Variants in ADGRL2 observed in about 807,000 individuals in gnomAD.
ADGRL2 encodes the protein adhesion G protein-coupled receptor L2.
ADGRL2 carries 44 observed loss-of-function variants against 157.4 expected under a neutral mutation model. That is an observed-to-expected ratio of 0.28 (90% confidence interval 0.22 to 0.36). The LOEUF (loss-of-function observed/expected upper bound fraction) is 0.36. Among genes scored for constraint, ADGRL2 ranks in the 10% least tolerant of loss-of-function variants. ADGRL2 has a pLI of 1.00. For synonymous variants in ADGRL2, 585 were observed against 624.7 expected, an observed-to-expected ratio of 0.94 and a Z score of 0.95; for missense variants, 1,510 against 1,768.9, an observed-to-expected ratio of 0.85 and a Z score of 2.63.
chr1:81,454,957 A>C (rs2077773617), intron 2 of ADGRL2, among the ~76,000 whole-genome samples: 1 of 152,192 alleles, frequency 6.6e-6, no homozygotes, highest in Non-Finnish European at 1.5e-5. Context: ...ACAAAACGAC[A>C]AATTCAAGAC....
chr1:81,448,436 A>G (rs1570994733), intron 2 of ADGRL2, among the ~76,000 whole-genome samples: 1 of 151,870 alleles, frequency 6.6e-6, no homozygotes, highest in East Asian at 1.9e-4. Context: ...ATGAGCCACC[A>G]CACCTGGCCA....
intron 3 of ADGRL2, among the ~76,000 whole-genome samples, chr1:81,606,896 A>T (rs7542573): frequency 0.74 from 112,276 of 151,984 alleles, 41,677 homozygotes; most frequent in African/African-American, 0.78. Flanking sequence ...AGTCAACTGT[A>T]GTACATTTTG....
At chr1:81,452,284 C>T (rs1466858579) in intron 2 of ADGRL2, among the ~76,000 whole-genome samples, 1 of 152,142 alleles carries the variant, frequency 6.6e-6, no homozygotes, top group Admixed American at 6.6e-5. Context: ...TTATTCCGCC[C>T]AGGTTTAGAC....
At chr1:81,766,846 G>GAAAAAAAAAAAAAAAAAA in intron 2 of ADGRL2, among the ~76,000 whole-genome samples, 1 of 55,270 alleles carries the variant, frequency 1.8e-5, no homozygotes, top group Non-Finnish European at 3.3e-5. Context: ...AAAAAAAAAA[G>GAAAAAAAAAAAAAAAAAA]GAAAAAAAAA....
At chr1:81,766,847 G>GAAAAAAAAA (rs66946051) in intron 2 of ADGRL2, among the ~76,000 whole-genome samples, 1 of 117,824 alleles carries the variant, frequency 8.5e-6, no homozygotes, top group Non-Finnish European at 1.8e-5. Context: ...AAAAAAAAAG[G>GAAAAAAAAA]AAAAAAAAAA....
intron 1 of ADGRL2, among the ~76,000 whole-genome samples, chr1:81,735,640 A>T (rs2084869970): frequency 1.3e-5 from 2 of 151,844 alleles, no homozygotes; most frequent in Admixed American, 1.3e-4. Flanking sequence ...AAATACAAAA[A>T]TTAGCCCAGC....
intron 3 of ADGRL2, among the ~76,000 whole-genome samples, chr1:81,590,437 T>C (rs1478514026): frequency 1.3e-5 from 2 of 152,122 alleles, no homozygotes; most frequent in African/African-American, 4.8e-5. Context: ...TTTCCCATTG[T>C]GGTGACTGCA....
chr1:81,773,420 G>A (rs967437205), intron 2 of ADGRL2, among the ~76,000 whole-genome samples: 2 of 152,128 alleles, frequency 1.3e-5, no homozygotes, highest in African/African-American at 2.4e-5. Context: ...AAGGGAATTG[G>A]GAAGAGTTTC....
intron 1 of ADGRL2, among the ~76,000 whole-genome samples, chr1:81,803,696 A>T (rs1226082748): frequency 6.6e-6 from 1 of 152,066 alleles, no homozygotes; most frequent in Non-Finnish European, 1.5e-5. Context: ...TCTGAGCTGC[A>T]GCTACCAACC....
intron 1 of ADGRL2, among the ~76,000 whole-genome samples, chr1:81,727,934 TTTG>T (rs2084593818): frequency 6.6e-6 from 1 of 152,074 alleles, no homozygotes; most frequent in Non-Finnish European, 1.5e-5. Context: ...TTTTGTCTGT[TTTG>T]TTTACTGCTA....
At chr1:81,359,976 T>A (rs1252882431) in intron 1 of ADGRL2, among the ~76,000 whole-genome samples, 1 of 152,014 alleles carries the variant, frequency 6.6e-6, no homozygotes. Context: ...TAGACAATAA[T>A]CTATTCTCGC....
At chr1:81,690,475 G>A (rs2083310539) in intron 3 of ADGRL2, among the ~76,000 whole-genome samples, 1 of 152,178 alleles carries the variant, frequency 6.6e-6, no homozygotes, top group Non-Finnish European at 1.5e-5. Context: ...CAGCCTGGGT[G>A]ACAGAATAAG....
chr1:81,859,539 T>C (rs1358492982), intron 2 of ADGRL2, among the ~76,000 whole-genome samples: 1 of 151,546 alleles, frequency 6.6e-6, no homozygotes, highest in Non-Finnish European at 1.5e-5. Context: ...CCTGAATAGC[T>C]GGGACTACAT....
intron 2 of ADGRL2, among the ~76,000 whole-genome samples, chr1:81,790,757 A>T (rs369264998): frequency 6.6e-6 from 1 of 152,312 alleles, no homozygotes; most frequent in East Asian, 1.9e-4. Context: ...GAATAAGTGA[A>T]ATGTTTCAAA....
chr1:81,961,590 C>T (rs1003509749), intron 11 of ADGRL2, among the ~76,000 whole-genome samples: 1 of 151,106 alleles, frequency 6.6e-6, no homozygotes. Flanking sequence ...TCACTGCAAC[C>T]TTCACCTCCT....
At chr1:81,608,640 A>C (rs113348237) in intron 3 of ADGRL2, among the ~76,000 whole-genome samples, 3 of 152,112 alleles carry the variant, frequency 2.0e-5, no homozygotes, top group Non-Finnish European at 4.4e-5. Flanking sequence ...TTTAGCCCCT[A>C]TGTTTTTCTT....
rs905565823 is a variant in ADGRL2 at position 81,415,276 on chromosome 1, C to T, written c.-301-29760C>T. Among the ~76,000 whole-genome samples the T allele has an allele frequency of 3.9e-5, 6 of 152,198 alleles. No homozygotes were observed. In the South Asian group the frequency reaches 8.3e-4, roughly 21 times the overall value. ...AGTATCACGGAAGAATTTTGAATGACTTGCTGATGTCAACTACTGCCAAAT... is the reference window on the plus strand; with the variant it reads ...AGTATCACGGAAGAATTTTGAATGATTTGCTGATGTCAACTACTGCCAAAT... On this transcript the variant is annotated intron_variant, in intron 1 of 24. Coordinates refer to the ADGRL2 transcript ENST00000370721.
At position 81,791,758 on chromosome 1, in the gene ADGRL2, T is replaced by A. The variant is rs376731780; in HGVS notation, c.-101+29906T>A. On this transcript the variant is annotated intron_variant, in intron 2 of 20. Coordinates refer to the ADGRL2 transcript ENST00000359929. ...TAAAAATAAAATTGATAACTTGTCA[T>A]AAATTTATTCTATAACCTCACCAAA... 1.3e-3 allele frequency among the ~76,000 whole-genome samples: 191 copies of A among 152,322 alleles called. 7 individuals are homozygous for A. The South Asian group carries it at 0.036, about 28-fold the overall frequency.
At chr1:81,535,583 T>C (rs2079715308) in intron 2 of ADGRL2, among the ~76,000 whole-genome samples, 2 of 152,050 alleles carry the variant, frequency 1.3e-5, no homozygotes, top group African/African-American at 4.8e-5. Context: ...AAAAGTAACA[T>C]TGGAAGAATA....
Sources: allele counts gnomAD v4.1 joint callset (sites outside exome capture counted in the v4.1 genomes callset), GRCh38; gene constraint gnomAD v4.1.1; transcripts MANE v1.5; gene names NCBI Gene and HGNC (gene_info 2026-07-23, HGNC 2026-07-21).